ANO3: variants seen among roughly 807,000 people sequenced by gnomAD.
ANO3 encodes the protein anoctamin-3.
In ANO3, 99 loss-of-function variants were observed where a neutral mutation model predicts 144.8. The observed-to-expected ratio is 0.68, with a 90% CI of 0.58 to 0.81. The LOEUF (loss-of-function observed/expected upper bound fraction) is 0.81. Ranked by LOEUF, ANO3 falls within the 30% of genes least tolerant of loss-of-function variation. ANO3 has a pLI of 0.00. For synonymous variants in ANO3, 414 were observed against 392.6 expected, an observed-to-expected ratio of 1.05 and a Z score of -0.64; for missense variants, 905 against 1,202.2, an observed-to-expected ratio of 0.75 and a Z score of 3.66.
chr11:26,368,311 A>G (rs1346854615), intron 1 of ANO3, among the ~76,000 whole-genome samples: 2 of 152,202 alleles, frequency 1.3e-5, no homozygotes, highest in African/African-American at 4.8e-5. Context: ...AAGCTTGAAG[A>G]AACTATGAGC....
intron 3 of ANO3, among the ~76,000 whole-genome samples, chr11:26,452,427 A>C (rs1294120512): frequency 3.3e-5 from 5 of 152,252 alleles, no homozygotes; most frequent in African/African-American, 1.2e-4. Context: ...GAACTACGTG[A>C]AGAATGCAGA....
intron 3 of ANO3, among the ~76,000 whole-genome samples, chr11:26,444,950 A>G (rs992272255): frequency 5.3e-5 from 8 of 152,200 alleles, no homozygotes; most frequent in Non-Finnish European, 1.2e-4. Flanking sequence ...TCAGAAAAAA[A>G]TTCACTCAGA....
chr11:26,205,720 T>G (rs978937157), intron 1 of ANO3, among the ~76,000 whole-genome samples: 4 of 152,160 alleles, frequency 2.6e-5, no homozygotes, highest in African/African-American at 9.7e-5. Context: ...TCATAAACGG[T>G]ATACTGTATA....
intron 1 of ANO3, among the ~76,000 whole-genome samples, chr11:26,355,318 G>T (rs528141071): frequency 5.9e-5 from 9 of 152,146 alleles, no homozygotes; most frequent in Non-Finnish European, 8.8e-5. Context: ...ACTGGATAAA[G>T]AATTCTAAGA....
At chr11:26,369,514 T>C (rs1315355692) in intron 1 of ANO3, among the ~76,000 whole-genome samples, 1 of 152,192 alleles carries the variant, frequency 6.6e-6, no homozygotes, top group East Asian at 1.9e-4. Context: ...AATTTTTAAA[T>C]ATTTTCTGAT....
chr11:26,458,165 A>G lies in ANO3; in HGVS notation c.314-4865A>G, dbSNP rs144908209. Among the ~76,000 whole-genome samples, 33 of 152,256 alleles carry G rather than the reference A, an allele frequency of 2.2e-4. No individual in the cohort carries two copies. In the East Asian group the frequency reaches 5.6e-3, roughly 26 times the overall value. On this transcript the variant is annotated intron_variant, in intron 3 of 26. Transcript: ENST00000256737. Reference sequence around the variant, plus strand: ...TATGTGCAATAAATGTCTCATCACCACATGAGGAGGATTTCATAAAAATAA... The same window carrying G: ...TATGTGCAATAAATGTCTCATCACCGCATGAGGAGGATTTCATAAAAATAA...
chr11:26,407,515 GTCT>G (rs1490741828), intron 1 of ANO3, among the ~76,000 whole-genome samples: 4 of 151,674 alleles, frequency 2.6e-5, no homozygotes, highest in African/African-American at 9.7e-5. Context: ...TATTGAATCT[GTCT>G]TCTTTTTTCT....
intron 3 of ANO3, chr11:26,460,024 A>G (rs1351031148): frequency 2.3e-6 from 1 of 436,478 alleles, no homozygotes; most frequent in South Asian, 1.7e-5. Context: ...CCATGATCCA[A>G]ACACTTCCCA....
intron 6 of ANO3, among the ~76,000 whole-genome samples, chr11:26,519,770 T>A (rs745583254): frequency 6.6e-6 from 1 of 152,212 alleles, no homozygotes; most frequent in Non-Finnish European, 1.5e-5. Context: ...ACACAACTGC[T>A]TTGTCTATTG....
intron 1 of ANO3, among the ~76,000 whole-genome samples, chr11:26,209,035 G>A (rs1851876326): frequency 6.6e-6 from 1 of 152,170 alleles, no homozygotes; most frequent in Non-Finnish European, 1.5e-5. Flanking sequence ...TGGGTTACAT[G>A]TGCAGAATGT....
chr11:26,541,951 C>T lies in ANO3; in HGVS notation c.1037C>T (p.Ala346Val). The T allele has an allele frequency of 1.2e-6, 2 of 1,608,752 alleles. No individual in the cohort carries two copies. Among genetic ancestry groups the T allele is most frequent in the South Asian group, 2.2e-5 (2 of 90,172 alleles). Residue 346 changes from alanine to valine, a missense_variant, in exon 11 of 27, where the codon GCC (alanine) becomes GTC (valine). Around this residue, in one of 4 missense-constraint regions of ANO3, gnomAD observed 597 missense variants for 865.1 expected, o/e 0.69. Coordinates refer to ENST00000256737, the MANE Select transcript of ANO3 (RefSeq NM_031418.4). ...ATCTTACTTTATCTGTTGCAGGGAG[C>T]CTACAAAAGTAGCCAGCCCATTAAA... ...YIAAFPPHEG[A>V]YKSSQPIKTH... is the part of the protein sequence containing the mutation.
chr11:26,307,757 T>TAATAAC (rs998358229), upstream of ANO3, among the ~76,000 whole-genome samples: 2 of 144,840 alleles, frequency 1.4e-5, no homozygotes, highest in African/African-American at 2.6e-5. Context: ...ATAATAATAA[T>TAATAAC]AACAATTTAA....
At chr11:26,639,044 T>C in intron 20 of ANO3, 100 bp from the exon 21 acceptor site, 1 of 766,924 alleles carries the variant, frequency 1.3e-6, no homozygotes, top group Admixed American at 2.1e-5. Flanking sequence ...TGAGATGGTG[T>C]GACCCAGCTT....
chr11:26,419,288 C>T (rs1024265113), intron 1 of ANO3, among the ~76,000 whole-genome samples: 2 of 152,100 alleles, frequency 1.3e-5, no homozygotes, highest in African/African-American at 2.4e-5. Context: ...AATAACCTCT[C>T]ATCAGGTGGA....
intron 7 of ANO3, among the ~76,000 whole-genome samples, chr11:26,526,691 T>C (rs1849171777): frequency 6.6e-6 from 1 of 152,118 alleles, no homozygotes; most frequent in Admixed American, 6.6e-5. Flanking sequence ...GAAAAGTAAA[T>C]TATGGAGAAA....
chr11:26,460,434 C>T (rs1397959375), intron 3 of ANO3, among the ~76,000 whole-genome samples: 5 of 122,076 alleles, frequency 4.1e-5, no homozygotes, highest in African/African-American at 1.8e-4. Context: ...GGGGGGCGGG[C>T]GGGTGGAAGG....
At chr11:26,518,380 G>T (rs1157112950) in intron 6 of ANO3, among the ~76,000 whole-genome samples, 2 of 151,980 alleles carry the variant, frequency 1.3e-5, no homozygotes, top group Non-Finnish European at 2.9e-5. Flanking sequence ...AAACCATGCA[G>T]AATAAAAACA....
intron 1 of ANO3, among the ~76,000 whole-genome samples, chr11:26,341,502 A>AAAG (rs1387826995): frequency 6.6e-6 from 1 of 152,214 alleles, no homozygotes; most frequent in Non-Finnish European, 1.5e-5. Context: ...GACATTTTTT[A>AAAG]AAGTATTTTG....
intron 17 of ANO3, among the ~76,000 whole-genome samples, chr11:26,617,425 A>G (rs1852292203): frequency 6.6e-6 from 1 of 152,244 alleles, no homozygotes; most frequent in Admixed American, 6.5e-5. Flanking sequence ...TAGAAATAAG[A>G]CTTCAGAAGG....
Sources: allele counts gnomAD v4.1 joint callset (sites outside exome capture counted in the v4.1 genomes callset), GRCh38; gene constraint gnomAD v4.1.1; regional missense constraint gnomAD v4.1.1; transcripts MANE v1.5; gene names NCBI Gene and HGNC (gene_info 2026-07-23, HGNC 2026-07-21).